The following FLI1 variants were observed in gnomAD, a reference collection of about 807,000 sequenced individuals.
FLI1 encodes the protein Friend leukemia integration 1 transcription factor.
A neutral mutation model predicts 53.1 loss-of-function variants in FLI1; 13 were observed. The ratio of observed to expected loss-of-function variants is 0.24; its 90% CI spans 0.16 to 0.39. FLI1 has a LOEUF of 0.39. FLI1 is among the 10% of genes least tolerant of loss of function. FLI1 has a pLI of 1.00. For synonymous variants in FLI1, 244 were observed against 236.7 expected, an observed-to-expected ratio of 1.03 and a Z score of -0.28; for missense variants, 424 against 600.5, an observed-to-expected ratio of 0.71 and a Z score of 3.07.
At chr11:128,740,270 G>GTCCCACATTTC (rs1256419926) in intron 1 of FLI1, among the ~76,000 whole-genome samples, 1 of 152,194 alleles carries the variant, frequency 6.6e-6, no homozygotes, top group Non-Finnish European at 1.5e-5. Context: ...ACCCACACGG[G>GTCCCACATTTC]CCTGAAAGAG....
At chr11:128,741,552 C>T (rs1413827406) in intron 1 of FLI1, among the ~76,000 whole-genome samples, 5 of 152,330 alleles carry the variant, frequency 3.3e-5, no homozygotes, top group South Asian at 2.1e-4. Flanking sequence ...GTTTCAGGAC[C>T]CTGCAGTGAG....
At chr11:128,785,224 A>G (rs897613736) in intron 5 of FLI1, among the ~76,000 whole-genome samples, 1 of 152,192 alleles carries the variant, frequency 6.6e-6, no homozygotes, top group African/African-American at 2.4e-5. Context: ...ACTTAAAAAA[A>G]TAAACTAGGA....
chr11:128,790,323 G>A (rs1942235367), intron 5 of FLI1, among the ~76,000 whole-genome samples: 1 of 151,586 alleles, frequency 6.6e-6, no homozygotes, highest in African/African-American at 2.4e-5. Context: ...AAGAACGAGG[G>A]TGACAGAGAG....
At chr11:128,787,973 A>AT (rs1339597462) in intron 5 of FLI1, among the ~76,000 whole-genome samples, 4 of 150,416 alleles carry the variant, frequency 2.7e-5, no homozygotes, top group East Asian at 2.0e-4. Flanking sequence ...CGCCCAGCTA[A>AT]TTTTTTTTTG....
intron 7 of FLI1, among the ~76,000 whole-genome samples, chr11:128,807,450 C>CT (rs1942813849): frequency 6.6e-6 from 1 of 152,190 alleles, no homozygotes; most frequent in African/African-American, 2.4e-5. Flanking sequence ...GGTGAAAGAA[C>CT]TTGAAGATGA....
chr11:128,719,440 C>T (rs1246557383), intron 1 of FLI1, among the ~76,000 whole-genome samples: 1 of 151,288 alleles, frequency 6.6e-6, no homozygotes, highest in Non-Finnish European at 1.5e-5. Context: ...ATAAGTTCCC[C>T]TGGGAGTCTC....
chr11:128,715,239 A>G (rs1938960244), intron 1 of FLI1, among the ~76,000 whole-genome samples: 1 of 152,198 alleles, frequency 6.6e-6, no homozygotes, highest in Admixed American at 6.5e-5. Flanking sequence ...AACATATACA[A>G]TTAATTATTC....
rs752988685 is a variant in FLI1 at position 128,758,188 on chromosome 11, A to G, written c.92A>G (p.Lys31Arg). 5.6e-5 allele frequency: 91 copies of G among 1,613,258 alleles called. No homozygotes were observed. Among genetic ancestry groups the G allele is most frequent in the Non-Finnish European group, 7.0e-5 (82 of 1,179,700 alleles). Residue 31 changes from lysine to arginine, a missense_variant, in exon 2 of 9, where the codon AAG becomes AGG. Lys to Arg is a conservative substitution (Grantham distance 26). This residue lies in a region of FLI1 where 137 missense variants were observed against 169.1 expected (regional missense o/e 0.81). Coordinates refer to ENST00000527786, the MANE Select transcript of FLI1 (RefSeq NM_002017.5). Reference sequence around the variant, plus strand: ...TACGGAGCGGCAGCCCATCTCCCCAAGGCCGACATGACTGCCTCGGGGAGT... The same window carrying G: ...TACGGAGCGGCAGCCCATCTCCCCAGGGCCGACATGACTGCCTCGGGGAGT... Reference protein sequence around the residue: ...SAYGAAAHLPKADMTASGSPD... With the variant: ...SAYGAAAHLPRADMTASGSPD...
At chr11:128,702,730 C>T (rs1236891880) in intron 1 of FLI1, among the ~76,000 whole-genome samples, 10 of 152,158 alleles carry the variant, frequency 6.6e-5, no homozygotes, top group Middle Eastern at 3.4e-3. Flanking sequence ...GTCATGCTGG[C>T]GCATGCTTGT....
chr11:128,750,611 G>T (rs1467683816), intron 1 of FLI1, among the ~76,000 whole-genome samples: 1 of 152,190 alleles, frequency 6.6e-6, no homozygotes, highest in Non-Finnish European at 1.5e-5. Flanking sequence ...CCCTCTGGAG[G>T]CTTTTCCATC....
chr11:128,778,671 G>T (rs575577347), intron 4 of FLI1, among the ~76,000 whole-genome samples: 11 of 152,370 alleles, frequency 7.2e-5, no homozygotes, highest in Non-Finnish European at 1.5e-4. Flanking sequence ...CACCGTGCAT[G>T]TTCAGGGAGC....
intron 1 of FLI1, among the ~76,000 whole-genome samples, chr11:128,711,373 T>C (rs1047195924): frequency 6.6e-6 from 1 of 152,212 alleles, no homozygotes; most frequent in South Asian, 2.1e-4. Context: ...ATGACTAACA[T>C]TAAAGCAAAG....
chr11:128,719,279 A>G, intron 1 of FLI1, among the ~76,000 whole-genome samples: 1 of 50,600 alleles, frequency 2.0e-5, no homozygotes, highest in African/African-American at 5.3e-5. Context: ...CAGTTAGATT[A>G]AAAAAAAAAA....
chr11:128,736,306 T>C (rs1302557655), intron 1 of FLI1, among the ~76,000 whole-genome samples: 1 of 152,240 alleles, frequency 6.6e-6, no homozygotes, highest in African/African-American at 2.4e-5. Flanking sequence ...TTTTGGAATC[T>C]TAAGAAACTT....
In FLI1 at chr11:128,811,245, G is replaced by A; in HGVS notation, c.*257G>A. The A allele has an allele frequency of 1.9e-6, 1 of 524,102 alleles. No homozygotes were observed. 32.5% of individuals were successfully genotyped at this position (524,102 alleles called of 1,614,324 possible). On this transcript the variant is annotated 3_prime_UTR_variant, in exon 9 of 9. Coordinates refer to ENST00000527786, the MANE Select transcript of FLI1 (RefSeq NM_002017.5). ...TGAATTCTCAGTCTCCTAGCATCTTGTGAGTTGCATATTAAGATTACTGGA... is the reference window on the plus strand; with the variant it reads ...TGAATTCTCAGTCTCCTAGCATCTTATGAGTTGCATATTAAGATTACTGGA...
At chr11:128,767,581 T>A (rs1941390667) in intron 2 of FLI1, among the ~76,000 whole-genome samples, 2 of 152,164 alleles carry the variant, frequency 1.3e-5, no homozygotes, top group Non-Finnish European at 2.9e-5. Context: ...GCAATAGAAA[T>A]AACTCACTGA....
At chr11:128,742,917 G>A (rs1389462691) in intron 1 of FLI1, among the ~76,000 whole-genome samples, 1 of 152,218 alleles carries the variant, frequency 6.6e-6, no homozygotes, top group African/African-American at 2.4e-5. Flanking sequence ...AAAGAAGCAA[G>A]AGGACCACAA....
chr11:128,778,214 A>G (rs1941801576), intron 4 of FLI1, among the ~76,000 whole-genome samples: 1 of 152,254 alleles, frequency 6.6e-6, no homozygotes, highest in Admixed American at 6.5e-5. Flanking sequence ...CTTATACTTC[A>G]GTTTGAACTG....
chr11:128,712,968 T>A (rs114845970), intron 1 of FLI1, among the ~76,000 whole-genome samples: 2,317 of 152,308 alleles, frequency 0.015, 63 homozygotes, highest in African/African-American at 0.053. Flanking sequence ...CATGGGGAGA[T>A]CTGACTTCAT....
Sources: gnomAD v4.1 joint callset for allele counts (sites outside exome capture counted in the v4.1 genomes callset) on GRCh38, gnomAD v4.1.1 for gene constraint, gnomAD v4.1.1 regional missense constraint, MANE v1.5 for transcripts, NCBI Gene and HGNC (gene_info 2026-07-23, HGNC 2026-07-21) for gene names.